Variants in DCC observed in about 807,000 individuals in gnomAD.
DCC encodes the protein netrin receptor DCC.
In DCC, 58 loss-of-function variants were observed where a neutral mutation model predicts 172.5. The ratio of observed to expected loss-of-function variants is 0.34; its 90% CI spans 0.27 to 0.42. DCC has a LOEUF of 0.42. DCC is among the 10% of genes least tolerant of loss of function. DCC has a pLI of 1.00. For synonymous variants in DCC, 709 were observed against 644.5 expected, an observed-to-expected ratio of 1.10 and a Z score of -1.52; for missense variants, 1,740 against 1,791.0, an observed-to-expected ratio of 0.97 and a Z score of 0.51.
rs2046554334 is a variant in DCC at position 53,534,589 on chromosome 18, TTTTA to T, written c.*3940_*3943del. 2 of 152,230 alleles carry T rather than the reference TTTTA, an allele frequency of 1.3e-5. No homozygotes were observed. Among genetic ancestry groups the T allele is most frequent in the South Asian group, 4.1e-4 (2 of 4,826 alleles). The allele number at this position is 152,230 out of a possible 1,614,324, so 9.4% of individuals were successfully genotyped here. A position where few individuals can be genotyped will look rare whatever the true frequency, so the allele number is the denominator to read the frequency against. On this transcript the variant is annotated 3_prime_UTR_variant, in exon 29 of 29. Coordinates refer to ENST00000442544, the MANE Select transcript of DCC (RefSeq NM_005215.4). Reference sequence around the variant, plus strand: ...CACTTTAGTATTGTACAGAAAAGCTTTTTATTTGAGTCTAGTGTTTAAAATTAAA... The same window carrying T: ...CACTTTAGTATTGTACAGAAAAGCTTTTTGAGTCTAGTGTTTAAAATTAAA...
chr18:52,952,002 A>T (rs571063922), intron 5 of DCC, among the ~76,000 whole-genome samples: 134 of 152,310 alleles, frequency 8.8e-4, no homozygotes, highest in African/African-American at 3.1e-3. Context: ...GGGTCTATAG[A>T]TGTAGATAAA....
At chr18:53,364,367 T>C (rs2057979124) in intron 15 of DCC, among the ~76,000 whole-genome samples, 1 of 152,170 alleles carries the variant, frequency 6.6e-6, no homozygotes, top group Non-Finnish European at 1.5e-5. Context: ...CCCCTGTTTT[T>C]TTCAGGGAAA....
rs73460706 is a variant in DCC at position 52,956,956 on chromosome 18, G to A, written c.985+31586G>A. Among the ~76,000 whole-genome samples the A allele has an allele frequency of 1.2e-3, 182 of 152,124 alleles. 1 individual carries two copies. Among genetic ancestry groups the A allele is most frequent in the African/African-American group, 3.8e-3 (156 of 41,522 alleles). The stretch of plus-strand genomic sequence containing the variant: ...AGTTCAATTTGTCAATAGCAAGGCC[G>A]AAAACACGCATATTGCTTTGAATCT... On this transcript the variant is annotated intron_variant, in intron 5 of 28. Transcript: ENST00000442544.
At chr18:53,475,687 A>AT (rs1287441753) in intron 25 of DCC, among the ~76,000 whole-genome samples, 1 of 152,192 alleles carries the variant, frequency 6.6e-6, no homozygotes, top group African/African-American at 2.4e-5. Context: ...TGGGGCTCTC[A>AT]TGTAGAACCT....
At chr18:52,475,957 CAAG>C (rs759036055) in intron 1 of DCC, among the ~76,000 whole-genome samples, 1 of 152,124 alleles carries the variant, frequency 6.6e-6, no homozygotes, top group Non-Finnish European at 1.5e-5. Context: ...ATAATTTCAC[CAAG>C]AAGATTAGTT....
At chr18:52,387,175 T>A (rs1399889375) in intron 1 of DCC, among the ~76,000 whole-genome samples, 1 of 152,186 alleles carries the variant, frequency 6.6e-6, no homozygotes, top group African/African-American at 2.4e-5. Context: ...TCATGTTCTT[T>A]GCTTCCTGTC....
chr18:53,435,653 A>T (rs1428594970), intron 22 of DCC, among the ~76,000 whole-genome samples: 1 of 152,172 alleles, frequency 6.6e-6, no homozygotes, highest in Non-Finnish European at 1.5e-5. Flanking sequence ...TGCAGGGTAC[A>T]TTTAATTCTT....
chr18:52,434,595 T>A (rs2144479380), intron 1 of DCC, among the ~76,000 whole-genome samples: 1 of 152,306 alleles, frequency 6.6e-6, no homozygotes, highest in South Asian at 2.1e-4. Context: ...CACTTTTGCT[T>A]ATGTGTCAAT....
intron 1 of DCC, among the ~76,000 whole-genome samples, chr18:52,662,992 A>G (rs190777447): frequency 4.6e-5 from 7 of 152,318 alleles, no homozygotes; most frequent in African/African-American, 1.7e-4. Context: ...ATTTCAAAAT[A>G]TGAATGTTAG....
intron 1 of DCC, among the ~76,000 whole-genome samples, chr18:52,485,287 T>C (rs2030161122): frequency 6.6e-6 from 1 of 152,076 alleles, no homozygotes. Context: ...AGCATAGAAA[T>C]TGTTCTTAAC....
At chr18:52,438,634 A>G (rs1009734940) in intron 1 of DCC, among the ~76,000 whole-genome samples, 4 of 152,230 alleles carry the variant, frequency 2.6e-5, no homozygotes, top group African/African-American at 4.8e-5. Flanking sequence ...CCAATTCTTT[A>G]TATAGCTTGA....
rs111439516 is a variant in DCC at position 52,550,114 on chromosome 18, C to T, written c.92-201940C>T. Among the ~76,000 whole-genome samples, 189 of 152,076 alleles carry T rather than the reference C, an allele frequency of 1.2e-3. 3 individuals are homozygous for T. The highest frequency in any genetic ancestry group is 4.3e-3 in the African/African-American group (177 of 41,508). ...CCTTTGTAGGATGTGATGAGAATGA[C>T]ACTTTACCTCTGTGTTCTTTCTCTC... On this transcript the variant is annotated intron_variant, in intron 1 of 28. Transcript: ENST00000442544.
chr18:53,009,984 A>G (rs1421290189), intron 5 of DCC, among the ~76,000 whole-genome samples: 1 of 152,012 alleles, frequency 6.6e-6, no homozygotes, highest in Admixed American at 6.6e-5. Flanking sequence ...TGCATGTGAC[A>G]GATGTTTTTA....
At chr18:53,275,889 T>A (rs1222408142) in intron 12 of DCC, among the ~76,000 whole-genome samples, 2 of 150,562 alleles carry the variant, frequency 1.3e-5, no homozygotes, top group Non-Finnish European at 2.9e-5. Flanking sequence ...ATAAAAACAC[T>A]CCTTTAGAGT....
intron 1 of DCC, among the ~76,000 whole-genome samples, chr18:52,522,775 T>A (rs1054889652): frequency 7.2e-5 from 11 of 152,164 alleles, no homozygotes; most frequent in African/African-American, 2.7e-4. Context: ...AGAGGATCAG[T>A]CTTCTGGAGG....
chr18:52,854,334 G>A (rs1473582643), intron 2 of DCC, among the ~76,000 whole-genome samples: 3 of 151,946 alleles, frequency 2.0e-5, no homozygotes, highest in Non-Finnish European at 4.4e-5. Flanking sequence ...ATTATTGGAG[G>A]AATTATTTGA....
intron 5 of DCC, among the ~76,000 whole-genome samples, chr18:53,005,751 A>G (rs2041634833): frequency 1.3e-5 from 2 of 152,256 alleles, no homozygotes; most frequent in East Asian, 1.9e-4. Context: ...AAAAGAAAGA[A>G]TCTTTACTTA....
intron 1 of DCC, among the ~76,000 whole-genome samples, chr18:52,720,968 C>T (rs945189302): frequency 2.6e-5 from 4 of 152,146 alleles, no homozygotes; most frequent in African/African-American, 9.7e-5. Flanking sequence ...TCTTCCCAGC[C>T]GAAGCCCTCT....
chr18:53,109,962 G>A (rs1004715873), intron 7 of DCC, among the ~76,000 whole-genome samples: 2 of 151,104 alleles, frequency 1.3e-5, no homozygotes, highest in Non-Finnish European at 3.0e-5. Flanking sequence ...TTTTTTCTGG[G>A]AAATAGTGCA....
Sources: allele counts gnomAD v4.1 joint callset (sites outside exome capture counted in the v4.1 genomes callset), GRCh38; gene constraint gnomAD v4.1.1; transcripts MANE v1.5; gene names NCBI Gene and HGNC (gene_info 2026-07-23, HGNC 2026-07-21).